Variants in ZNF766 observed in about 807,000 individuals in gnomAD.
ZNF766 encodes zinc finger protein 766.
In ZNF766, 13 loss-of-function variants were observed where a neutral mutation model predicts 13.2. That is an observed-to-expected ratio of 0.98 (90% CI 0.64 to 1.56). ZNF766 has a LOEUF of 1.56. ZNF766 is among the 40% of genes most tolerant of loss of function. The pLI, the probability that ZNF766 is intolerant of heterozygous loss-of-function variation, is 0.00. For missense variants in ZNF766, 521 were observed against 552.2 expected (o/e 0.94, Z 0.57); for synonymous variants, 178 against 187.6 (o/e 0.95, Z 0.42).
chr19:52,286,189 C>T lies in ZNF766; in HGVS notation c.274+2776C>T, dbSNP rs1981812437. On this transcript the variant is annotated intron_variant, in intron 3 of 3. Coordinates refer to ENST00000439461, the MANE Select transcript of ZNF766 (RefSeq NM_001010851.3). ...AAAGAAAGAATCCAAGTGGGCTTTT[C>T]CCCCCTAATTATAAAGGAAAAGCCT... Among the ~76,000 whole-genome samples the T allele has an allele frequency of 7.3e-5, 5 of 68,158 alleles. No homozygotes were observed. The South Asian group carries it at 3.4e-3, about 46-fold the overall frequency. 44.7% of individuals were successfully genotyped at this position (68,158 alleles called of 152,430 possible). A position where few individuals can be genotyped will look rare whatever the true frequency, so the allele number is the denominator to read the frequency against.
chr19:52,269,703 G>C, intron 1 of ZNF766, 72 bp downstream of exon 1: 1 of 1,582,638 alleles, frequency 6.3e-7, no homozygotes, highest in Non-Finnish European at 8.6e-7. Context: ...GGGATGTGGG[G>C]GGCGGTACAG....
At chr19:52,284,653 C>A (rs968550077) in intron 3 of ZNF766, 3 of 152,020 alleles carry the variant, frequency 2.0e-5, no homozygotes, top group African/African-American at 7.2e-5. Flanking sequence ...AGCCTGTCCG[C>A]CACCAATTGC....
At chr19:52,276,048 A>G (rs1981181837) in intron 1 of ZNF766, among the ~76,000 whole-genome samples, 1 of 152,172 alleles carries the variant, frequency 6.6e-6, no homozygotes, top group Non-Finnish European at 1.5e-5. Flanking sequence ...ACAGTTGACT[A>G]TAGTATTCAG....
At position 52,290,856 on chromosome 19, in the gene ZNF766, C is replaced by G; in HGVS notation, c.1065C>G (p.Tyr355Ter). 6.2e-7 allele frequency: 1 copy of G among 1,614,120 alleles called. No homozygotes were observed. Among genetic ancestry groups the G allele is most frequent in the Non-Finnish European group, 8.5e-7 (1 of 1,179,976 alleles). Residue 355 changes from tyrosine to a stop codon, truncating the protein, a stop_gained, in exon 4 of 4, where the codon TAC (tyrosine) becomes TAG (stop). Transcript: ENST00000439461. LOFTEE classifies it low-confidence loss of function (END_TRUNC). ...TAATCCACACTGGAGAGAAACCTTA[C>G]AAATGTAAAGAATGTGACAAAGCTT... The part of the protein sequence containing the change: ...HLLIHTGEKP[Y>*]KCKECDKAFR...
chr19:52,290,056 G>C lies in ZNF766; in HGVS notation c.275-10G>C. On this transcript the variant is annotated splice_polypyrimidine_tract_variant and intron_variant, in intron 3 of 3. Transcript: ENST00000439461. The stretch of plus-strand genomic sequence containing the variant: ...TGGGTTCAAATTATACTCTTTACTT[G>C]CTTTCCTAGGGAGGAGCTGTGCAGT... 1 of 1,583,630 alleles carries C rather than the reference G, an allele frequency of 6.3e-7. No individual in the cohort carries two copies. Among genetic ancestry groups the C allele is most frequent in the Non-Finnish European group, 8.6e-7 (1 of 1,166,424 alleles).
intron 3 of ZNF766, among the ~76,000 whole-genome samples, chr19:52,286,326 T>C (rs922456806): frequency 3.3e-5 from 5 of 150,518 alleles, no homozygotes; most frequent in Admixed American, 1.3e-4. Flanking sequence ...TTCTTTCTTT[T>C]TTTTTTTTTT....
At chr19:52,287,921 T>G (rs1981911444) in intron 3 of ZNF766, 2 of 383,356 alleles carry the variant, frequency 5.2e-6, no homozygotes, top group African/African-American at 4.5e-5. Context: ...ACCCAAAGAG[T>G]GAACTCTTAC....
Position 52,290,654 on chromosome 19 carries a change from G to T in ZNF766, c.863G>T (p.Arg288Leu), listed in dbSNP as rs759238897. The change falls in exon 4 of 4, where the codon CGA becomes CTA. Residue 288 changes from arginine to leucine, a missense_variant. Physicochemically the swap from Arg to Leu is moderately radical, Grantham distance 102 (BLOSUM62 -2). Transcript: ENST00000439461. ...KVFSRITYLV[R>L]HQKIHTREKP... ...TTCAGTCGAATTACATACCTTGTAC[G>T]ACATCAGAAAATTCATACTAGAGAG... 2 of 1,613,356 alleles carry T rather than the reference G, an allele frequency of 1.2e-6. No individual in the cohort carries two copies. Among genetic ancestry groups the T allele is most frequent in the Non-Finnish European group, 1.7e-6 (2 of 1,179,740 alleles).
intron 1 of ZNF766, among the ~76,000 whole-genome samples, chr19:52,272,563 C>T (rs533767511): frequency 5.3e-5 from 8 of 151,992 alleles, no homozygotes; most frequent in Non-Finnish European, 1.0e-4. Context: ...AACTCCCGGG[C>T]TCAGGAGGTC....
intron 1 of ZNF766, among the ~76,000 whole-genome samples, chr19:52,280,289 G>A (rs2122474514): frequency 6.6e-6 from 1 of 152,262 alleles, no homozygotes; most frequent in East Asian, 1.9e-4. Context: ...GAGATCAGGA[G>A]TTCAAGGCTG....
intron 3 of ZNF766, among the ~76,000 whole-genome samples, chr19:52,289,861 C>A (rs548681866): frequency 3.3e-5 from 5 of 152,162 alleles, no homozygotes; most frequent in African/African-American, 1.2e-4. Flanking sequence ...ATTAGCTGGG[C>A]GTGGTGGCGG....
At chr19:52,270,365 A>G (rs1319217445) in intron 1 of ZNF766, among the ~76,000 whole-genome samples, 4 of 152,118 alleles carry the variant, frequency 2.6e-5, no homozygotes, top group Non-Finnish European at 5.9e-5. Flanking sequence ...GAGATTTGCA[A>G]AGTGAAAGAA....
intron 1 of ZNF766, among the ~76,000 whole-genome samples, chr19:52,276,220 C>T (rs1424425076): frequency 3.9e-5 from 6 of 152,198 alleles, no homozygotes; most frequent in African/African-American, 1.4e-4. Flanking sequence ...TGCGTGACTG[C>T]ATTTGCATGT....
At chr19:52,282,012 G>A (rs7258893) in intron 1 of ZNF766, 99 bp from the exon 2 acceptor site, 39,221 of 1,422,642 alleles carry the variant, frequency 0.028, 658 homozygotes, top group South Asian at 0.04. Context: ...GTTCACGTCA[G>A]CACTTCAGTT....
chr19:52,283,541 A>G lies in ZNF766; in HGVS notation c.274+128A>G, dbSNP rs74507237. On this transcript the variant is annotated intron_variant, in intron 3 of 3. Transcript: ENST00000439461. ...CAGCTTTGAACTCCTGGGCTTCAAC[A>G]GTCCTCCTGCTTTGGCCTCCCAAAG... 12 of 1,258,400 alleles carry G rather than the reference A, an allele frequency of 9.5e-6. No individual in the cohort carries two copies. In the East Asian group the frequency reaches 3.0e-4, roughly 31 times the overall value. The allele number at this position is 1,258,400 out of a possible 1,614,324, so 78.0% of individuals were successfully genotyped here.
chr19:52,279,056 G>T (rs776934260), intron 1 of ZNF766, among the ~76,000 whole-genome samples: 1 of 152,104 alleles, frequency 6.6e-6, no homozygotes, highest in South Asian at 2.1e-4. Flanking sequence ...TTTGTATATG[G>T]TATAAGGAAG....
chr19:52,279,722 A>G (rs1452366474), intron 1 of ZNF766, among the ~76,000 whole-genome samples: 1 of 143,296 alleles, frequency 7.0e-6, no homozygotes, highest in African/African-American at 2.6e-5. Flanking sequence ...ATATTTATAT[A>G]TTTGAAAATA....
chr19:52,290,926 G>A lies in ZNF766; in HGVS notation c.1135G>A (p.Gly379Arg), dbSNP rs756272572. Residue 379 changes from glycine (G) to arginine (R), a missense_variant, in exon 4 of 4, where the codon GGA becomes AGA. Coordinates refer to ENST00000439461, the MANE Select transcript of ZNF766 (RefSeq NM_001010851.3). ...GACAGTTCATCAGAGAAATCATAAT[G>A]GAGAGAAACCTTATAAATGTCATGA... Reference protein sequence around the residue: ...SLTVHQRNHNGEKPYKCHECG... With the variant: ...SLTVHQRNHNREKPYKCHECG... 1.2e-6 allele frequency: 2 copies of A among 1,613,920 alleles called. No individual in the cohort carries two copies. Among genetic ancestry groups the A allele is most frequent in the East Asian group, 4.5e-5 (2 of 44,880 alleles).
intron 1 of ZNF766, among the ~76,000 whole-genome samples, chr19:52,280,163 A>G (rs1212958016): frequency 6.6e-6 from 1 of 152,148 alleles, no homozygotes; most frequent in Non-Finnish European, 1.5e-5. Context: ...CTATTTATAC[A>G]TTTTTATTGT....
Sources: gnomAD v4.1 joint callset for allele counts (sites outside exome capture counted in the v4.1 genomes callset) on GRCh38, gnomAD v4.1.1 for gene constraint, MANE v1.5 for transcripts, NCBI Gene and HGNC (gene_info 2026-07-23, HGNC 2026-07-21) for gene names.